The following C18orf54 variants were observed in gnomAD, a reference collection of about 807,000 sequenced individuals.
C18orf54 encodes lung adenoma susceptibility protein 2.
Under a neutral mutation model 49.3 loss-of-function variants are expected in C18orf54, and 49 were observed. That is an observed-to-expected ratio of 0.99 (90% CI 0.79 to 1.26). The LOEUF is 1.26. Ranked by LOEUF, C18orf54 falls within the 50% of genes most tolerant of loss-of-function variation. The pLI is 0.00. For missense variants in C18orf54, 687 were observed against 620.6 expected (o/e 1.11, Z -1.14); for synonymous variants, 211 against 216.6 (o/e 0.97, Z 0.23).
At chr18:54,360,459 A>G in intron 2 of C18orf54, 68 bp from the exon 3 acceptor site, 1 of 937,646 alleles carries the variant, frequency 1.1e-6, no homozygotes, top group South Asian at 1.8e-5. Flanking sequence ...AGGTTTACAT[A>G]TTTAGTAATT....
rs758643754 is a variant in C18orf54 at position 54,372,571 on chromosome 18, A to G, written c.1432A>G (p.Thr478Ala). The change falls in exon 7 of 9, where the codon ACA becomes GCA. Residue 478 changes from threonine (T) to alanine (A), a missense_variant. By Grantham distance (58) the Thr-to-Ala change is moderately conservative. Coordinates refer to ENST00000620105, the MANE Select transcript of C18orf54 (RefSeq NM_001288980.2). ...AGAACGTTTTAATCAAAATAAGACC[A>G]CAGATCCAAAAGAAGAGATTAAACA... The part of the protein sequence containing the change: ...VQERFNQNKT[T>A]DPKEEIKQVS... The G allele has an allele frequency of 6.2e-7, 1 of 1,607,326 alleles. No homozygotes were observed. Among genetic ancestry groups the G allele is most frequent in the East Asian group, 2.2e-5 (1 of 44,740 alleles).
In C18orf54 at chr18:54,360,704, G is replaced by C. The variant is rs180987897; in HGVS notation, c.132G>C (p.Leu44=). Residue 44 remains leucine (L), a synonymous_variant, in exon 3 of 9, where the codon CTG becomes CTC. Coordinates refer to ENST00000620105, the MANE Select transcript of C18orf54 (RefSeq NM_001288980.2). ...SDGSFHYKDK[L]YRSASQALQA... ...GCTCGTTTCACTATAAAGATAAGCTGTACAGATCTGCTTCTCAAGCTCTAC... is the reference window on the plus strand; with the variant it reads ...GCTCGTTTCACTATAAAGATAAGCTCTACAGATCTGCTTCTCAAGCTCTAC... The C allele has an allele frequency of 5.8e-5, 93 of 1,614,026 alleles. No homozygotes were observed. The East Asian group carries it at 1.7e-3, about 30-fold the overall frequency.
intron 6 of C18orf54, among the ~76,000 whole-genome samples, chr18:54,366,616 T>C (rs2089390208): frequency 6.6e-6 from 1 of 152,038 alleles, no homozygotes; most frequent in South Asian, 2.1e-4. Context: ...TGTGCAGATA[T>C]TTCTTTGGCA....
chr18:54,376,450 C>T (rs367802468), intron 8 of C18orf54, among the ~76,000 whole-genome samples: 5 of 152,086 alleles, frequency 3.3e-5, no homozygotes, highest in East Asian at 3.9e-4. Flanking sequence ...CCACCTGCCT[C>T]GGCCTTCCAA....
At chr18:54,376,872 G>A (rs2089582308) in intron 8 of C18orf54, among the ~76,000 whole-genome samples, 1 of 152,034 alleles carries the variant, frequency 6.6e-6, no homozygotes, top group Non-Finnish European at 1.5e-5. Flanking sequence ...CCTTGTCCTG[G>A]GTAAAGTGGA....
chr18:54,362,958 C>T (rs2089302596), intron 5 of C18orf54, 37 bp downstream of exon 5: 2 of 1,555,490 alleles, frequency 1.3e-6, no homozygotes, highest in Non-Finnish European at 1.7e-6. Context: ...TTTAGTTTTC[C>T]AAATGAAAAA....
At chr18:54,377,181 A>C (rs563385643) in intron 8 of C18orf54, among the ~76,000 whole-genome samples, 23 of 152,034 alleles carry the variant, frequency 1.5e-4, no homozygotes, top group African/African-American at 4.3e-4. Context: ...GACAGATGCC[A>C]GTCACCACGC....
chr18:54,371,109 C>T (rs1214291982), intron 6 of C18orf54, among the ~76,000 whole-genome samples: 1 of 152,170 alleles, frequency 6.6e-6, no homozygotes. Context: ...TTTATCTTCT[C>T]ACACTGAAAC....
chr18:54,365,831 AT>A lies in C18orf54; in HGVS notation c.1326+12del, dbSNP rs1389447081. On this transcript the variant is annotated intron_variant, in intron 6 of 8. Transcript: ENST00000620105. ...AAATAATGATAATCAGGTGGGTGAA[AT>A]TAAAAGTTTTAAAACTTATTTAAAG... 6.6e-7 allele frequency: 1 copy of A among 1,505,466 alleles called. No homozygotes were observed. Among genetic ancestry groups the A allele is most frequent in the Non-Finnish European group, 9.1e-7 (1 of 1,096,264 alleles). The allele number at this position is 1,505,466 out of a possible 1,614,324, so 93.3% of individuals were successfully genotyped here.
intron 6 of C18orf54, 97 bp from the exon 7 acceptor site, chr18:54,372,369 A>C: frequency 2.6e-6 from 3 of 1,155,746 alleles, no homozygotes; most frequent in Non-Finnish European, 3.5e-6. Flanking sequence ...TTGGAGTTTT[A>C]CATTAATTTT....
At chr18:54,363,795 C>G (rs1376046957) in intron 5 of C18orf54, 1 of 132,232 alleles carries the variant, frequency 7.6e-6, no homozygotes, top group Non-Finnish European at 1.6e-5. Context: ...TAGACAGAGT[C>G]TATTAGTTCC....
chr18:54,365,258 A>G (rs1479651199), intron 5 of C18orf54, among the ~76,000 whole-genome samples: 2 of 152,160 alleles, frequency 1.3e-5, no homozygotes, highest in South Asian at 4.1e-4. Context: ...CTTTATGTTA[A>G]TACCAGTTAT....
rs945377999 is a variant in C18orf54 at position 54,358,030 on chromosome 18, C to G, written c.-189C>G. On this transcript the variant is annotated 5_prime_UTR_variant, in exon 1 of 9. Coordinates refer to ENST00000620105, the MANE Select transcript of C18orf54 (RefSeq NM_001288980.2). ...GGGTTGGGGATGCTTTGTGGTGTCT[C>G]GCGTTGGGTAACAGGCCTGAGCTTT... 6.5e-6 allele frequency: 1 copy of G among 152,728 alleles called. No individual in the cohort carries two copies. Among genetic ancestry groups the G allele is most frequent in the Non-Finnish European group, 1.5e-5 (1 of 68,392 alleles). 9.5% of individuals were successfully genotyped at this position (152,728 alleles called of 1,614,324 possible). A position where few individuals can be genotyped will look rare whatever the true frequency, so the allele number is the denominator to read the frequency against.
intron 6 of C18orf54, among the ~76,000 whole-genome samples, chr18:54,366,377 A>G (rs1222444893): frequency 6.6e-6 from 1 of 151,972 alleles, no homozygotes; most frequent in Non-Finnish European, 1.5e-5. Flanking sequence ...AGTGAGAACT[A>G]TGATATTTAT....
rs763795358 is a variant in C18orf54, at chr18:54,360,595, A to T, written c.23A>T (p.His8Leu). MAKSKTK[H>L]RLCSQESSVS... ...GCCATGGCGAAATCAAAGACAAAAC[A>T]TAGACTTTGTTCTCAGGAATCTTCA... Residue 8 changes from histidine (H) to leucine (L), a missense_variant, in exon 3 of 9, where the codon CAT becomes CTT. Physicochemically the swap from His to Leu is moderately conservative, Grantham distance 99 (BLOSUM62 -3). Coordinates refer to ENST00000620105, the MANE Select transcript of C18orf54 (RefSeq NM_001288980.2). The T allele has an allele frequency of 1.2e-6, 2 of 1,614,062 alleles. No individual in the cohort carries two copies. Among genetic ancestry groups the T allele is most frequent in the South Asian group, 2.2e-5 (2 of 91,084 alleles).
At chr18:54,360,386 C>A in intron 2 of C18orf54, 141 bp from the exon 3 acceptor site, 1 of 545,580 alleles carries the variant, frequency 1.8e-6, no homozygotes. Flanking sequence ...CAAAAATCTA[C>A]AATTCCTAAC....
chr18:54,373,542 G>T (rs1853279304), intron 7 of C18orf54, among the ~76,000 whole-genome samples: 1 of 151,728 alleles, frequency 6.6e-6, no homozygotes, highest in South Asian at 2.1e-4. Flanking sequence ...AAACATCTCT[G>T]CAACTCCCGT....
In C18orf54 at chr18:54,360,632, G is replaced by A. The variant is rs533744271; in HGVS notation, c.60G>A (p.Leu20=). The A allele has an allele frequency of 3.1e-6, 5 of 1,614,048 alleles. No homozygotes were observed. In the South Asian group the frequency reaches 5.5e-5, roughly 18 times the overall value. ...CTCAGGAATCTTCAGTATCTGCCCT[G>A]CTGGCAAGCTGCACCCTGAGTGGTA... The part of the protein sequence containing the change: ...LCSQESSVSA[L]LASCTLSGSN... The change falls in exon 3 of 9, where the codon CTG becomes CTA. Residue 20 remains leucine, a synonymous_variant. Coordinates refer to ENST00000620105, the MANE Select transcript of C18orf54 (RefSeq NM_001288980.2).
At chr18:54,378,139 C>G in intron 8 of C18orf54, 35 bp from the exon 9 acceptor site, 1 of 1,530,476 alleles carries the variant, frequency 6.5e-7, no homozygotes, top group Non-Finnish European at 8.9e-7. Flanking sequence ...TTCTTAATAA[C>G]TGGTTTATAA....
Sources: allele counts gnomAD v4.1 joint callset (sites outside exome capture counted in the v4.1 genomes callset), GRCh38; gene constraint gnomAD v4.1.1; transcripts MANE v1.5; gene names NCBI Gene and HGNC (gene_info 2026-07-23, HGNC 2026-07-21).